SYT7: variants seen among roughly 807,000 people sequenced by gnomAD.
SYT7 encodes synaptotagmin-7.
SYT7 carries 29 observed loss-of-function variants against 75.1 expected under a neutral mutation model. The observed-to-expected ratio is 0.39, with a 90% confidence interval of 0.29 to 0.53. The LOEUF (loss-of-function observed/expected upper bound fraction) is 0.53. Ranked by LOEUF, SYT7 falls within the 20% of genes least tolerant of loss-of-function variation. The pLI is 0.77. For missense variants in SYT7, 693 were observed against 953.2 expected, an observed-to-expected ratio of 0.73 and a Z score of 3.59; for synonymous variants, 376 against 401.7, an observed-to-expected ratio of 0.94 and a Z score of 0.76.
At chr11:61,577,411 G>C (rs1321451504) in intron 1 of SYT7, among the ~76,000 whole-genome samples, 2 of 152,216 alleles carry the variant, frequency 1.3e-5, no homozygotes, top group Non-Finnish European at 2.9e-5. Context: ...GGTTGTTGGT[G>C]AAATGGGTGG....
upstream of SYT7, among the ~76,000 whole-genome samples, chr11:61,582,103 C>T (rs1482312028): frequency 2.0e-5 from 3 of 151,916 alleles, no homozygotes; most frequent in Non-Finnish European, 4.4e-5. Flanking sequence ...CACACACACA[C>T]ACACAGACAT....
chr11:61,522,955 A>T, intron 12 of SYT7, 120 bp downstream of exon 12: 1 of 987,308 alleles, frequency 1.0e-6, no homozygotes, highest in South Asian at 1.4e-5. Flanking sequence ...AGGAGAGGAG[A>T]CTGATCCCAA....
At chr11:61,564,432 G>A (rs2063714554) in intron 1 of SYT7, among the ~76,000 whole-genome samples, 2 of 152,188 alleles carry the variant, frequency 1.3e-5, no homozygotes. Flanking sequence ...TGTATGCTTG[G>A]CATTGAATCA....
At chr11:61,560,516 C>T (rs964582088) in intron 1 of SYT7, among the ~76,000 whole-genome samples, 2 of 152,170 alleles carry the variant, frequency 1.3e-5, no homozygotes, top group Non-Finnish European at 2.9e-5. Context: ...ACGGCCCCCA[C>T]AGATTTCCCA....
chr11:61,523,970 G>A lies in SYT7; in HGVS notation c.1642-29C>T. On this transcript the variant is annotated intron_variant, in intron 10 of 12. Transcript: ENST00000539008. This position sits in a 1 kb window ranked among gnomAD's most constrained non-coding sequence, Gnocchi z 5.0. ...GGAGGCACGACAGGAGGGGTGTGGG[G>A]AACTAGGCTAGCAGAGCTCTCTGAT... The A allele has an allele frequency of 6.2e-7, 1 of 1,603,202 alleles. No homozygotes were observed. The highest frequency in any genetic ancestry group is 8.5e-7 in the Non-Finnish European group (1 of 1,170,278).
chr11:61,522,016 G>T (rs977988250), intron 12 of SYT7, among the ~76,000 whole-genome samples: 1 of 152,084 alleles, frequency 6.6e-6, no homozygotes, highest in Non-Finnish European at 1.5e-5. Context: ...GCTAGGATTT[G>T]GACCCAGGCA....
At chr11:61,543,396 C>A (rs191443100) in intron 5 of SYT7, among the ~76,000 whole-genome samples, 1 of 152,336 alleles carries the variant, frequency 6.6e-6, no homozygotes, top group African/African-American at 2.4e-5. Flanking sequence ...GATGCATCTG[C>A]AAGGGGATGC....
chr11:61,556,297 C>G (rs550237155), intron 1 of SYT7, 90 bp from the exon 2 acceptor site: 1 of 1,030,774 alleles, frequency 9.7e-7, no homozygotes, highest in Non-Finnish European at 1.4e-6. Context: ...CCACCCTACC[C>G]TCCATCTGGC....
Position 61,538,185 on chromosome 11 carries a change from G to C in SYT7, c.1023C>G (p.Asn341Lys). ...CGTTCTGGTTCTGCTGGGTTCCTGGGTTTTGCAGGTCAGGGATATTGGCAA... is the reference window on the plus strand; with the variant it reads ...CGTTCTGGTTCTGCTGGGTTCCTGGCTTTTGCAGGTCAGGGATATTGGCAA... ...DDFANIPDLQ[N>K]PGTQQNQNAQ... The change falls in exon 7 of 13, where the codon AAC (asparagine) becomes AAG (lysine). Residue 341 changes from asparagine (N) to lysine (K), a missense_variant. Asn to Lys is a moderately conservative substitution (Grantham distance 94). This residue lies in a region of SYT7 where 487 missense variants were observed against 593.2 expected (regional missense o/e 0.82). Transcript: ENST00000539008. The C allele has an allele frequency of 2.0e-6, 3 of 1,536,066 alleles. No homozygotes were observed. The highest frequency in any genetic ancestry group is 2.6e-6 in the Non-Finnish European group (3 of 1,146,870).
rs188629341 is a variant in SYT7 at position 61,536,589 on chromosome 11, C to T, written c.1064+1555G>A. Among the ~76,000 whole-genome samples, 25 of 152,316 alleles carry T rather than the reference C, an allele frequency of 1.6e-4. No individual in the cohort carries two copies. In the East Asian group the frequency reaches 2.9e-3, roughly 18 times the overall value. ...CAGGTGGGTCAGGGGTGGCAGACTC[C>T]GCTCCTCCAGTACCCCTGCACATGG... On this transcript the variant is annotated intron_variant, in intron 7 of 12. Coordinates refer to ENST00000539008, the MANE Select transcript of SYT7 (RefSeq NM_001365809.2).
rs1316801875 is a variant in SYT7 at position 61,533,089 on chromosome 11, G to A, written c.1100C>T (p.Pro367Leu). ...ATCGTGGGGTGTCTGGCCTGGCACGGGGGCTGTGTTCACCGCCTTCCCTCC... is the reference window on the plus strand; with the variant it reads ...ATCGTGGGGTGTCTGGCCTGGCACGAGGGCTGTGTTCACCGCCTTCCCTCC... ...PAGGKAVNTA[P>L]VPGQTPHDES... The change falls in exon 8 of 13, where the codon CCC becomes CTC. Residue 367 changes from proline (P) to leucine (L), a missense_variant. Pro to Leu is a moderately conservative substitution (Grantham distance 98). Around this residue, in one of 2 missense-constraint regions of SYT7, gnomAD observed 487 missense variants for 593.2 expected, o/e 0.82. Transcript: ENST00000539008. 6 of 1,609,600 alleles carry A rather than the reference G, an allele frequency of 3.7e-6. No homozygotes were observed. Among genetic ancestry groups the A allele is most frequent in the Non-Finnish European group, 4.2e-6 (5 of 1,178,158 alleles).
intron 8 of SYT7, among the ~76,000 whole-genome samples, chr11:61,532,750 CTG>C: frequency 6.6e-6 from 1 of 152,286 alleles, no homozygotes; most frequent in East Asian, 1.9e-4. Context: ...AAGGAAGAAA[CTG>C]AGACATGGAG....
chr11:61,520,000 T>C (rs2062264746), intron 12 of SYT7, among the ~76,000 whole-genome samples: 1 of 151,774 alleles, frequency 6.6e-6, no homozygotes, highest in Non-Finnish European at 1.5e-5. Flanking sequence ...TTTGTATTTT[T>C]AGTAGAGATG....
At chr11:61,534,409 G>A (rs375332652) in intron 7 of SYT7, among the ~76,000 whole-genome samples, 4,703 of 151,090 alleles carry the variant, frequency 0.031, 266 homozygotes, top group African/African-American at 0.11. Context: ...ATGTACACAC[G>A]CACGCACACA....
rs992831526 is a variant in SYT7, at chr11:61,516,962, T to C, written c.*1665A>G. On this transcript the variant is annotated 3_prime_UTR_variant, in exon 13 of 13. Transcript: ENST00000539008. This position sits in a 1 kb window ranked among gnomAD's most constrained non-coding sequence, Gnocchi z 4.6. ...GGGGAAGCCGTTCGAAGGAAAATGG[T>C]TCCCAAATGCCAATGGTCTCCCCAC... The C allele has an allele frequency of 3.3e-6, 1 of 301,144 alleles. No individual in the cohort carries two copies. Among genetic ancestry groups the C allele is most frequent in the African/African-American group, 2.2e-5 (1 of 46,304 alleles). 18.7% of individuals were successfully genotyped at this position (301,144 alleles called of 1,614,324 possible). A position where few individuals can be genotyped will look rare whatever the true frequency, so the allele number is the denominator to read the frequency against.
At chr11:61,566,795 G>A (rs935300775) in intron 1 of SYT7, among the ~76,000 whole-genome samples, 3 of 152,168 alleles carry the variant, frequency 2.0e-5, no homozygotes, top group Non-Finnish European at 2.9e-5. Context: ...AATAATACAC[G>A]CTGCAAAGAA....
chr11:61,558,933 G>A (rs1485261970), intron 1 of SYT7, among the ~76,000 whole-genome samples: 1 of 152,140 alleles, frequency 6.6e-6, no homozygotes, highest in East Asian at 1.9e-4. Flanking sequence ...TAGTAGATAT[G>A]GGATTTTACC....
intron 8 of SYT7, 79 bp from the exon 9 acceptor site, chr11:61,528,264 G>C: frequency 6.5e-7 from 1 of 1,530,952 alleles, no homozygotes; most frequent in Non-Finnish European, 8.8e-7. Flanking sequence ...TAGCACGGGT[G>C]AGAGGCCAGA....
chr11:61,572,956 C>A (rs1352326608), intron 1 of SYT7, among the ~76,000 whole-genome samples: 1 of 152,262 alleles, frequency 6.6e-6, no homozygotes, highest in Non-Finnish European at 1.5e-5. Context: ...TGCATGTGTG[C>A]TGCCAGCGCC....
Sources: gnomAD v4.1 joint callset for allele counts (sites outside exome capture counted in the v4.1 genomes callset) on GRCh38, gnomAD v4.1.1 for gene constraint, gnomAD v4.1.1 regional missense constraint, Gnocchi (gnomAD v3.1) non-coding constraint, MANE v1.5 for transcripts, NCBI Gene and HGNC (gene_info 2026-07-23, HGNC 2026-07-21) for gene names.